ANKRD33B: variants seen among roughly 807,000 people sequenced by gnomAD.
The protein encoded by ANKRD33B is ankyrin repeat domain 33B, also known as ankyrin repeat domain-containing protein 33B.
Under a neutral mutation model 21.5 loss-of-function variants are expected in ANKRD33B, and 6 were observed. That is an observed-to-expected ratio of 0.28 (90% CI 0.15 to 0.55). The LOEUF (loss-of-function observed/expected upper bound fraction) is 0.55, where lower values mean the gene tolerates loss of function less well. Ranked by LOEUF, ANKRD33B falls within the 20% of genes least tolerant of loss-of-function variation. The pLI, the probability that ANKRD33B is intolerant of heterozygous loss-of-function variation, is 0.94. For synonymous variants in ANKRD33B, 347 were observed against 342.4 expected (o/e 1.01, Z -0.15); for missense variants, 698 against 747.2 (o/e 0.93, Z 0.77).
intron 2 of ANKRD33B, among the ~76,000 whole-genome samples, chr5:10,629,648 C>T (rs1490349063): frequency 6.6e-6 from 1 of 152,088 alleles, no homozygotes; most frequent in East Asian, 1.9e-4. Flanking sequence ...AGCTTTAGAG[C>T]TGAAACTTGG....
intron 1 of ANKRD33B, among the ~76,000 whole-genome samples, chr5:10,575,848 G>C (rs1281789365): frequency 6.6e-6 from 1 of 152,154 alleles, no homozygotes; most frequent in South Asian, 2.1e-4. Context: ...GGGGCCGAGC[G>C]TGGGGAGGGG....
intron 1 of ANKRD33B, among the ~76,000 whole-genome samples, chr5:10,607,762 G>A (rs1736080983): frequency 6.6e-6 from 1 of 152,176 alleles, no homozygotes; most frequent in South Asian, 2.1e-4. Flanking sequence ...AAGTCTACTT[G>A]GGACAGTGAA....
intron 1 of ANKRD33B, among the ~76,000 whole-genome samples, chr5:10,594,339 T>A (rs1219741700): frequency 6.7e-6 from 1 of 148,150 alleles, no homozygotes; most frequent in East Asian, 2.1e-4. Flanking sequence ...TGCCTCAGGC[T>A]CCTGAGGAGC....
intron 3 of ANKRD33B, among the ~76,000 whole-genome samples, chr5:10,648,525 C>T (rs1038941150): frequency 2.0e-5 from 3 of 147,672 alleles, no homozygotes; most frequent in African/African-American, 5.0e-5. Flanking sequence ...TTTGGGAGGC[C>T]GAGGCGGGTG....
Position 10,574,510 on chromosome 5 carries a change from G to C in ANKRD33B, c.366+9677G>C, listed in dbSNP as rs571354075. Among the ~76,000 whole-genome samples, 291 of 152,092 alleles carry C rather than the reference G, an allele frequency of 1.9e-3. 3 individuals are homozygous for C. The highest frequency in any genetic ancestry group is 2.2e-3 in the Non-Finnish European group (148 of 67,998). ...AAAAATATTACATATCAAAATTTGT[G>C]GGGAAAAGCAAAAGTGGTATCTTGA... On this transcript the variant is annotated intron_variant, in intron 1 of 3. Coordinates refer to ENST00000296657, the MANE Select transcript of ANKRD33B (RefSeq NM_001164440.2).
intron 1 of ANKRD33B, among the ~76,000 whole-genome samples, chr5:10,610,419 G>T (rs1736145388): frequency 2.1e-5 from 3 of 144,176 alleles, no homozygotes; most frequent in Non-Finnish European, 4.5e-5. Flanking sequence ...CCCGAATAAA[G>T]AATTATCTGG....
chr5:10,587,446 T>G (rs940400423), intron 1 of ANKRD33B, among the ~76,000 whole-genome samples: 2 of 152,114 alleles, frequency 1.3e-5, no homozygotes, highest in East Asian at 1.9e-4. Flanking sequence ...GTTACTTTAT[T>G]TTCACTGTGA....
chr5:10,589,781 G>A lies in ANKRD33B; in HGVS notation c.366+24948G>A, dbSNP rs191029658. On this transcript the variant is annotated intron_variant, in intron 1 of 3. Transcript: ENST00000296657. ...GGTTTATAGAGTTTCCTGAATATGC[G>A]GCTTGATATCTCTTGTCAGTTTTGG... Among the ~76,000 whole-genome samples, 40 of 152,114 alleles carry A rather than the reference G, an allele frequency of 2.6e-4. 1 individual carries two copies. Among genetic ancestry groups the A allele is most frequent in the Admixed American group, 2.2e-3 (34 of 15,286 alleles).
intron 2 of ANKRD33B, among the ~76,000 whole-genome samples, chr5:10,622,128 C>T (rs1175883156): frequency 6.6e-6 from 1 of 152,206 alleles, no homozygotes; most frequent in Non-Finnish European, 1.5e-5. Flanking sequence ...ATATCTCTAC[C>T]AGATACAATG....
chr5:10,638,736 C>A (rs562798358), intron 3 of ANKRD33B, among the ~76,000 whole-genome samples: 20 of 149,028 alleles, frequency 1.3e-4, no homozygotes, highest in Non-Finnish European at 2.5e-4. Context: ...CGTTAGAAGG[C>A]GATGTGGAGT....
intron 1 of ANKRD33B, among the ~76,000 whole-genome samples, chr5:10,577,319 A>G (rs986743600): frequency 1.3e-5 from 2 of 152,136 alleles, no homozygotes; most frequent in African/African-American, 2.4e-5. Context: ...CAGTAGAGAC[A>G]GGGTTTCACC....
chr5:10,624,628 C>A (rs1736502597), intron 2 of ANKRD33B: 1 of 408,024 alleles, frequency 2.5e-6, no homozygotes. Context: ...GACTTTACAC[C>A]ATTTAAACAA....
intron 1 of ANKRD33B, among the ~76,000 whole-genome samples, chr5:10,574,815 C>A (rs1200026500): frequency 4.6e-5 from 7 of 151,110 alleles, no homozygotes; most frequent in Admixed American, 1.3e-4. Flanking sequence ...TGCAGTGGCT[C>A]ACACCTGTAA....
chr5:10,594,113 C>G (rs953761006), intron 1 of ANKRD33B, among the ~76,000 whole-genome samples: 5 of 151,408 alleles, frequency 3.3e-5, no homozygotes, highest in African/African-American at 1.2e-4. Context: ...TTATTTAAAG[C>G]TTTTTTTCAC....
intron 2 of ANKRD33B, among the ~76,000 whole-genome samples, chr5:10,630,745 TG>T (rs1375173418): frequency 1.3e-5 from 2 of 152,082 alleles, no homozygotes. Flanking sequence ...CGGTGGCTCA[TG>T]CCTAGAATCC....
At position 10,576,920 on chromosome 5, in the gene ANKRD33B, G is replaced by A. The variant is rs187319945; in HGVS notation, c.366+12087G>A. ...ATCCTGTGGGCACCTCGGATGACGCGAGGGTGGAGCCTGAAACGCTGGCCC... is the reference window on the plus strand; with the variant it reads ...ATCCTGTGGGCACCTCGGATGACGCAAGGGTGGAGCCTGAAACGCTGGCCC... On this transcript the variant is annotated intron_variant, in intron 1 of 3. Transcript: ENST00000296657. This position sits in a 1 kb window ranked among gnomAD's most constrained non-coding sequence, Gnocchi z 4.1. Among the ~76,000 whole-genome samples the A allele has an allele frequency of 1.7e-4, 26 of 152,312 alleles. No individual in the cohort carries two copies. The highest frequency in any genetic ancestry group is 3.5e-4 in the Non-Finnish European group (24 of 68,018).
At chr5:10,616,204 A>C (rs1046199478) in intron 1 of ANKRD33B, among the ~76,000 whole-genome samples, 2 of 152,206 alleles carry the variant, frequency 1.3e-5, no homozygotes, top group African/African-American at 4.8e-5. Context: ...TGGGGCAACT[A>C]GGAGCCTTAT....
intron 2 of ANKRD33B, among the ~76,000 whole-genome samples, chr5:10,620,280 T>G (rs1736390943): frequency 6.6e-6 from 1 of 151,948 alleles, no homozygotes; most frequent in Non-Finnish European, 1.5e-5. Context: ...GGCTTTGGGC[T>G]TTGGGACAGG....
intron 1 of ANKRD33B, among the ~76,000 whole-genome samples, chr5:10,579,669 G>A (rs1331699672): frequency 6.6e-6 from 1 of 151,624 alleles, no homozygotes; most frequent in Admixed American, 6.6e-5. Flanking sequence ...AGTATTAAAT[G>A]ATTAAAATAA....
Sources: allele counts gnomAD v4.1 joint callset (sites outside exome capture counted in the v4.1 genomes callset), GRCh38; gene constraint gnomAD v4.1.1; non-coding constraint Gnocchi (gnomAD v3.1); transcripts MANE v1.5; gene names NCBI Gene and HGNC (gene_info 2026-07-23, HGNC 2026-07-21).